Variants in TFEC observed in about 807,000 individuals in gnomAD.
TFEC encodes transcription factor EC.
TFEC carries 31 observed loss-of-function variants against 41.6 expected under a neutral mutation model. The ratio of observed to expected loss-of-function variants is 0.74; its 90% confidence interval spans 0.56 to 1.01. TFEC has a LOEUF of 1.01. Among genes scored for constraint, TFEC ranks in the 50% least tolerant of loss-of-function variants. The pLI, the probability that TFEC is intolerant of heterozygous loss-of-function variation, is 0.00. For missense variants in TFEC, 402 were observed against 404.1 expected (o/e 0.99, Z 0.04); for synonymous variants, 143 against 140.6 (o/e 1.02, Z -0.12).
intron 1 of TFEC, among the ~76,000 whole-genome samples, chr7:116,153,792 G>C (rs1798813333): frequency 6.6e-6 from 1 of 152,104 alleles, no homozygotes; most frequent in African/African-American, 2.4e-5. Flanking sequence ...GATTAGGAAA[G>C]TTAAAGAAAC....
intron 3 of TFEC, among the ~76,000 whole-genome samples, chr7:115,966,937 A>C (rs536544961): frequency 6.6e-5 from 10 of 151,586 alleles, no homozygotes; most frequent in Non-Finnish European, 1.5e-4. Context: ...CTTGCAATAC[A>C]TTTTCTAATT....
chr7:116,138,768 A>C (rs1798483912), intron 1 of TFEC, among the ~76,000 whole-genome samples: 1 of 152,222 alleles, frequency 6.6e-6, no homozygotes, highest in Non-Finnish European at 1.5e-5. Flanking sequence ...AATAACATTT[A>C]CACAAAATAG....
At chr7:115,989,001 G>T (rs1408095938) in intron 1 of TFEC, among the ~76,000 whole-genome samples, 1 of 152,156 alleles carries the variant, frequency 6.6e-6, no homozygotes, top group Non-Finnish European at 1.5e-5. Flanking sequence ...AATTCTGTAG[G>T]TTGTGAAATT....
At chr7:116,092,525 G>A (rs542883882) in intron 3 of TFEC, among the ~76,000 whole-genome samples, 12 of 152,210 alleles carry the variant, frequency 7.9e-5, no homozygotes, top group African/African-American at 2.9e-4. Context: ...AAGTATTTTT[G>A]TTCCATTATG....
At chr7:115,958,591 C>T (rs1436152510) in intron 3 of TFEC, among the ~76,000 whole-genome samples, 3 of 151,828 alleles carry the variant, frequency 2.0e-5, no homozygotes, top group Non-Finnish European at 4.4e-5. Context: ...TATACCGCAA[C>T]AATAAAGTAA....
chr7:116,013,305 A>G (rs1795070714), intron 1 of TFEC, among the ~76,000 whole-genome samples: 1 of 152,112 alleles, frequency 6.6e-6, no homozygotes, highest in African/African-American at 2.4e-5. Context: ...CTGTGTAGGA[A>G]AGGTGTTCAG....
chr7:116,131,496 G>A (rs1798331312), intron 1 of TFEC, among the ~76,000 whole-genome samples: 1 of 152,050 alleles, frequency 6.6e-6, no homozygotes, highest in Admixed American at 6.5e-5. Flanking sequence ...TACTAATTTA[G>A]TAACCTTACA....
intron 1 of TFEC, among the ~76,000 whole-genome samples, chr7:116,123,129 G>C (rs1370690426): frequency 6.6e-6 from 1 of 152,082 alleles, no homozygotes; most frequent in African/African-American, 2.4e-5. Flanking sequence ...AGCAATTGCT[G>C]AACTCACATT....
intron 1 of TFEC, among the ~76,000 whole-genome samples, chr7:115,994,304 T>G (rs909917084): frequency 6.6e-6 from 1 of 152,060 alleles, no homozygotes; most frequent in Non-Finnish European, 1.5e-5. Context: ...GGGCAAGGAC[T>G]TCATGACTAA....
At chr7:115,994,208 A>C (rs1794255341) in intron 1 of TFEC, among the ~76,000 whole-genome samples, 1 of 152,212 alleles carries the variant, frequency 6.6e-6, no homozygotes. Flanking sequence ...AATTAATTCA[A>C]GATGGATTAA....
intron 1 of TFEC, among the ~76,000 whole-genome samples, chr7:116,006,842 G>T (rs1330316625): frequency 2.0e-5 from 3 of 152,074 alleles, no homozygotes; most frequent in Non-Finnish European, 4.4e-5. Flanking sequence ...CATGGGGCAG[G>T]TCTTTCCTAT....
chr7:116,025,672 C>T (rs970401640), intron 1 of TFEC, among the ~76,000 whole-genome samples: 2 of 152,200 alleles, frequency 1.3e-5, no homozygotes, highest in African/African-American at 4.8e-5. Context: ...TCTGACTTCC[C>T]ATTTCACAGT....
chr7:116,027,095 G>A (rs1403245377), intron 1 of TFEC, among the ~76,000 whole-genome samples: 1 of 152,164 alleles, frequency 6.6e-6, no homozygotes, highest in Non-Finnish European at 1.5e-5. Context: ...GGGTCAAAGG[G>A]AACAGAGTGT....
In TFEC at chr7:116,116,126, T is replaced by A. The variant is rs181211683; in HGVS notation, c.-68-4088A>T. On this transcript the variant is annotated intron_variant, in intron 1 of 8. Transcript: ENST00000484212. Reference sequence around the variant, plus strand: ...TCAAATAATGTATATAAAGTGTTTATCACAGTTCTTGGCTCAAAATTTACT... The same window carrying A: ...TCAAATAATGTATATAAAGTGTTTAACACAGTTCTTGGCTCAAAATTTACT... 4.6e-5 allele frequency among the ~76,000 whole-genome samples: 7 copies of A among 152,072 alleles called. 1 individual carries two copies. The highest frequency in any genetic ancestry group is 3.9e-4 in the Admixed American group (6 of 15,234).
In TFEC at chr7:116,155,930, C is replaced by T. The variant is rs543924630; in HGVS notation, c.-69+3860G>A. On this transcript the variant is annotated intron_variant, in intron 1 of 8. Coordinates refer to the TFEC transcript ENST00000484212. ...CAGCACCTTTACTGATCCTTTGATACTTTATGCATTACAGAGTTTGGGGCG... is the reference window on the plus strand; with the variant it reads ...CAGCACCTTTACTGATCCTTTGATATTTTATGCATTACAGAGTTTGGGGCG... Among the ~76,000 whole-genome samples, 27 of 152,190 alleles carry T rather than the reference C, an allele frequency of 1.8e-4. 1 individual carries two copies. The highest frequency in any genetic ancestry group is 6.3e-4 in the African/African-American group (26 of 41,514).
intron 2 of TFEC, among the ~76,000 whole-genome samples, chr7:115,975,010 A>G (rs1793317635): frequency 6.6e-6 from 1 of 152,100 alleles, no homozygotes; most frequent in African/African-American, 2.4e-5. Flanking sequence ...GGAAACTGAG[A>G]GAAAAAAATT....
intron 3 of TFEC, among the ~76,000 whole-genome samples, chr7:116,089,911 T>C (rs899919115): frequency 5.9e-5 from 9 of 152,064 alleles, no homozygotes; most frequent in Non-Finnish European, 8.8e-5. Flanking sequence ...TTCCCTTCTG[T>C]CCAAAGGCCC....
intron 1 of TFEC, among the ~76,000 whole-genome samples, chr7:116,025,979 T>C (rs1795569924): frequency 6.6e-6 from 1 of 152,222 alleles, no homozygotes; most frequent in Admixed American, 6.5e-5. Context: ...TTAAAACTAA[T>C]AACTCCAGTC....
At chr7:116,104,782 G>A (rs1456174830) in intron 3 of TFEC, among the ~76,000 whole-genome samples, 1 of 151,248 alleles carries the variant, frequency 6.6e-6, no homozygotes, top group African/African-American at 2.4e-5. Context: ...AGTTTTAAGA[G>A]GTCTTTGAAA....
Sources: allele counts gnomAD v4.1 joint callset (sites outside exome capture counted in the v4.1 genomes callset), GRCh38; gene constraint gnomAD v4.1.1; transcripts MANE v1.5; gene names NCBI Gene and HGNC (gene_info 2026-07-23, HGNC 2026-07-21).